ZFP91: variants seen among roughly 807,000 people sequenced by gnomAD.
ZFP91 encodes the protein ZFP91 zinc finger protein, atypical E3 ubiquitin ligase.
ZFP91 carries 7 observed loss-of-function variants against 63.5 expected under a neutral mutation model. That is an observed-to-expected ratio of 0.11 (90% CI 0.06 to 0.21). The LOEUF is 0.21. ZFP91 is among the 10% of genes least tolerant of loss of function. The pLI is 1.00. For synonymous variants in ZFP91, 330 were observed against 272.1 expected, an observed-to-expected ratio of 1.21 and a Z score of -2.10; for missense variants, 628 against 736.6, an observed-to-expected ratio of 0.85 and a Z score of 1.71.
rs76300029 is a variant in ZFP91 at position 58,592,617 on chromosome 11, A to G, written c.370+7733A>G. The stretch of plus-strand genomic sequence containing the variant: ...GTATGATCTCGCTTGTGTGTAATCT[A>G]AATAACTGTCTCATAGAAATGTAGT... On this transcript the variant is annotated intron_variant, in intron 2 of 10. Coordinates refer to ENST00000316059, the MANE Select transcript of ZFP91 (RefSeq NM_053023.5). Among the ~76,000 whole-genome samples, 407 of 152,242 alleles carry G rather than the reference A, an allele frequency of 2.7e-3. 4 individuals are homozygous for G. Among genetic ancestry groups the G allele is most frequent in the African/African-American group, 9.3e-3 (385 of 41,544 alleles).
At chr11:58,603,271 T>C (rs1021023621) in intron 2 of ZFP91, among the ~76,000 whole-genome samples, 2 of 152,204 alleles carry the variant, frequency 1.3e-5, no homozygotes, top group Admixed American at 6.5e-5. Flanking sequence ...AGGAAAGATA[T>C]AAATTGAGGA....
chr11:58,587,991 A>G (rs1366852712), intron 2 of ZFP91, among the ~76,000 whole-genome samples: 1 of 152,126 alleles, frequency 6.6e-6, no homozygotes, highest in African/African-American at 2.4e-5. Context: ...TTATTGCAGA[A>G]CTTCTCAGAA....
intron 2 of ZFP91, among the ~76,000 whole-genome samples, chr11:58,594,631 A>G (rs753293133): frequency 6.6e-6 from 1 of 152,216 alleles, no homozygotes; most frequent in Non-Finnish European, 1.5e-5. Context: ...CTGTCAGTGC[A>G]CCAGTGGCTG....
At chr11:58,614,909 G>C (rs1855725960) in intron 9 of ZFP91, among the ~76,000 whole-genome samples, 1 of 152,190 alleles carries the variant, frequency 6.6e-6, no homozygotes, top group African/African-American at 2.4e-5. Flanking sequence ...GACCATCTCA[G>C]TGCAGTGTAC....
rs1273827532 is a variant in ZFP91 at position 58,579,083 on chromosome 11, G to A, written c.-199G>A. The A allele has an allele frequency of 2.7e-6, 1 of 368,078 alleles. No individual in the cohort carries two copies. The highest frequency in any genetic ancestry group is 4.6e-6 in the Non-Finnish European group (1 of 218,654). The allele number at this position is 368,078 out of a possible 1,614,324, so 22.8% of individuals were successfully genotyped here. Reference sequence around the variant, plus strand: ...CGTCTGTGGCGCGCGCGCGCGCGCCGCCAGCGGTAGCGGACCTTGAGTGGC... The same window carrying A: ...CGTCTGTGGCGCGCGCGCGCGCGCCACCAGCGGTAGCGGACCTTGAGTGGC... On this transcript the variant is annotated 5_prime_UTR_variant, in exon 1 of 11. Transcript: ENST00000316059.
intron 1 of ZFP91, among the ~76,000 whole-genome samples, chr11:58,582,023 T>C (rs1185390611): frequency 6.6e-6 from 1 of 152,250 alleles, no homozygotes; most frequent in Non-Finnish European, 1.5e-5. Context: ...GAGTTTTTGT[T>C]ACACATTTTT....
chr11:58,606,103 C>G (rs79246509), intron 2 of ZFP91, among the ~76,000 whole-genome samples: 2 of 152,036 alleles, frequency 1.3e-5, no homozygotes, highest in Admixed American at 1.3e-4. Context: ...CTCTTGTCGC[C>G]TATGCTGGAG....
intron 1 of ZFP91, among the ~76,000 whole-genome samples, chr11:58,583,666 C>T (rs1944050): frequency 0.49 from 73,671 of 151,770 alleles, 18,707 homozygotes; most frequent in African/African-American, 0.65. Flanking sequence ...GCAATTATTT[C>T]TGCAGTTTTT....
chr11:58,598,749 CGTGT>C (rs56110499), intron 2 of ZFP91, among the ~76,000 whole-genome samples: 16,740 of 120,708 alleles, frequency 0.14, 947 homozygotes, highest in Non-Finnish European at 0.16. Flanking sequence ...CTTTTGTGCA[CGTGT>C]GTGTGTGTGT....
At chr11:58,598,749 CGT>C (rs56110499) in intron 2 of ZFP91, among the ~76,000 whole-genome samples, 16,901 of 120,446 alleles carry the variant, frequency 0.14, 1,033 homozygotes, top group African/African-American at 0.18. Context: ...CTTTTGTGCA[CGT>C]GTGTGTGTGT....
In ZFP91 at chr11:58,609,986, G is replaced by A. The variant is rs1590627360; in HGVS notation, c.527G>A (p.Gly176Asp). 2 of 1,614,068 alleles carry A rather than the reference G, an allele frequency of 1.2e-6. No individual in the cohort carries two copies. The highest frequency in any genetic ancestry group is 8.5e-7 in the Non-Finnish European group (1 of 1,180,040). Reference protein sequence around the residue: ...ENTRSSRSKTGSLQLICKSEP... With the variant: ...ENTRSSRSKTDSLQLICKSEP... ...ACCCGAAGCTCTCGGTCCAAGACCGGTTCATTGCAGCTCATTTGCAAGTCA... is the reference window on the plus strand; with the variant it reads ...ACCCGAAGCTCTCGGTCCAAGACCGATTCATTGCAGCTCATTTGCAAGTCA... Residue 176 changes from glycine (G) to aspartate (D), a missense_variant, in exon 3 of 11, where the codon GGT (glycine) becomes GAT (aspartate). Around this residue, in one of 3 missense-constraint regions of ZFP91, gnomAD observed 437 missense variants for 380.3 expected, o/e 1.15. Coordinates refer to ENST00000316059, the MANE Select transcript of ZFP91 (RefSeq NM_053023.5).
chr11:58,604,472 G>A (rs1034334039), intron 2 of ZFP91, among the ~76,000 whole-genome samples: 2 of 152,190 alleles, frequency 1.3e-5, no homozygotes, highest in South Asian at 2.1e-4. Context: ...AGAAGTATGG[G>A]AGAATAGATT....
Position 58,617,081 on chromosome 11 carries a change from T to C in ZFP91, c.1203-115T>C. 5.4e-6 allele frequency: 5 copies of C among 930,396 alleles called. No individual in the cohort carries two copies. The highest frequency in any genetic ancestry group is 8.0e-6 in the Non-Finnish European group (5 of 626,846). 57.6% of individuals were successfully genotyped at this position (930,396 alleles called of 1,614,324 possible). A position where few individuals can be genotyped will look rare whatever the true frequency, so the allele number is the denominator to read the frequency against. ...TATGTTACTGATTATTGTGTGTGTG[T>C]GTGTGTGTGTGTGTGTGTATGTATA... On this transcript the variant is annotated intron_variant, in intron 10 of 10. Transcript: ENST00000316059. This position sits in a 1 kb window ranked among gnomAD's most constrained non-coding sequence, Gnocchi z 4.2.
chr11:58,603,719 T>A (rs1354998927), intron 2 of ZFP91, among the ~76,000 whole-genome samples: 1 of 152,182 alleles, frequency 6.6e-6, no homozygotes, highest in East Asian at 1.9e-4. Flanking sequence ...GTACAAACCA[T>A]TATCCACAAA....
intron 2 of ZFP91, among the ~76,000 whole-genome samples, chr11:58,592,163 G>A (rs1375132046): frequency 6.9e-6 from 1 of 145,346 alleles, no homozygotes; most frequent in East Asian, 2.0e-4. Flanking sequence ...GCTCACTGCA[G>A]CCTCTGCCTC....
intron 2 of ZFP91, among the ~76,000 whole-genome samples, chr11:58,600,611 A>G (rs1855477370): frequency 6.6e-6 from 1 of 152,134 alleles, no homozygotes; most frequent in Non-Finnish European, 1.5e-5. Flanking sequence ...AAATAGAGAT[A>G]CAGTTTTACT....
chr11:58,605,761 A>G (rs1256481354), intron 2 of ZFP91, among the ~76,000 whole-genome samples: 2 of 151,930 alleles, frequency 1.3e-5, no homozygotes, highest in Non-Finnish European at 2.9e-5. Context: ...TTATCCTACT[A>G]GGAGTTAGGT....
intron 2 of ZFP91, among the ~76,000 whole-genome samples, chr11:58,589,480 A>G (rs1213000523): frequency 1.3e-5 from 2 of 152,242 alleles, no homozygotes; most frequent in Non-Finnish European, 2.9e-5. Flanking sequence ...TTCTCTTAAT[A>G]CTACTGAGAT....
chr11:58,585,929 C>G (rs1221043644), intron 2 of ZFP91, among the ~76,000 whole-genome samples: 1 of 151,418 alleles, frequency 6.6e-6, no homozygotes, highest in Non-Finnish European at 1.5e-5. Context: ...TCTTATTTCT[C>G]TGAATTTTGG....
Sources: gnomAD v4.1 joint callset for allele counts (sites outside exome capture counted in the v4.1 genomes callset) on GRCh38, gnomAD v4.1.1 for gene constraint, gnomAD v4.1.1 regional missense constraint, Gnocchi (gnomAD v3.1) non-coding constraint, MANE v1.5 for transcripts, NCBI Gene and HGNC (gene_info 2026-07-23, HGNC 2026-07-21) for gene names.